ROBO1: variants seen among roughly 807,000 people sequenced by gnomAD.
ROBO1 encodes roundabout guidance receptor 1.
A neutral mutation model predicts 195.9 loss-of-function variants in ROBO1; 149 were observed. The observed-to-expected ratio is 0.76, with a 90% CI of 0.67 to 0.87. ROBO1 has a LOEUF of 0.87. Ranked by LOEUF, ROBO1 falls within the 40% of genes least tolerant of loss-of-function variation. ROBO1 has a pLI of 0.00. For missense variants in ROBO1, 1,933 were observed against 2,068.3 expected, an observed-to-expected ratio of 0.93 and a Z score of 1.27; for synonymous variants, 816 against 733.2, an observed-to-expected ratio of 1.11 and a Z score of -1.82.
chr3:78,721,000 T>C (rs976802358), intron 5 of ROBO1, among the ~76,000 whole-genome samples: 3 of 150,052 alleles, frequency 2.0e-5, no homozygotes, highest in Admixed American at 6.6e-5. Context: ...CTAACGTAAA[T>C]GATGAGTTGA....
intron 2 of ROBO1, among the ~76,000 whole-genome samples, chr3:79,291,285 T>A (rs950121540): frequency 6.6e-6 from 1 of 152,202 alleles, no homozygotes; most frequent in Non-Finnish European, 1.5e-5. Context: ...GGCCCCTAAC[T>A]GGCACCTAAT....
intron 4 of ROBO1, among the ~76,000 whole-genome samples, chr3:78,903,647 G>A (rs920409724): frequency 2.6e-5 from 4 of 151,630 alleles, no homozygotes; most frequent in African/African-American, 7.3e-5. Flanking sequence ...GAAGAAATTC[G>A]ACTTTATGTA....
At chr3:79,027,273 A>G (rs1370016609) in intron 3 of ROBO1, among the ~76,000 whole-genome samples, 1 of 152,114 alleles carries the variant, frequency 6.6e-6, no homozygotes, top group Non-Finnish European at 1.5e-5. Flanking sequence ...AAATAAAAGT[A>G]GTTCTAAATA....
chr3:78,709,709 G>C (rs976466998), intron 8 of ROBO1, among the ~76,000 whole-genome samples: 2 of 152,112 alleles, frequency 1.3e-5, no homozygotes, highest in Non-Finnish European at 2.9e-5. Flanking sequence ...AGATAAAGAA[G>C]TTTTTGAGGA....
intron 2 of ROBO1, among the ~76,000 whole-genome samples, chr3:79,402,332 T>G (rs2037398063): frequency 6.6e-6 from 1 of 151,964 alleles, no homozygotes; most frequent in Non-Finnish European, 1.5e-5. Context: ...ATATCATCAT[T>G]CTTTCATTGC....
intron 2 of ROBO1, among the ~76,000 whole-genome samples, chr3:79,332,427 C>T (rs1576986995): frequency 6.6e-6 from 1 of 152,176 alleles, no homozygotes; most frequent in East Asian, 1.9e-4. Context: ...ACATTCATTG[C>T]TTGCCATCAA....
chr3:78,985,965 A>C (rs1204867259), intron 3 of ROBO1, among the ~76,000 whole-genome samples: 1 of 152,188 alleles, frequency 6.6e-6, no homozygotes, highest in Non-Finnish European at 1.5e-5. Context: ...AGCAGAGCCC[A>C]AGACAAAGCC....
chr3:78,858,564 C>CA (rs554355096), intron 4 of ROBO1, among the ~76,000 whole-genome samples: 1,334 of 96,360 alleles, frequency 0.014, 17 homozygotes, highest in Middle Eastern at 0.028. Flanking sequence ...CCCTGTCTAC[C>CA]AAAAAAAAAA....
chr3:79,185,235 T>C (rs1246958536), intron 2 of ROBO1, among the ~76,000 whole-genome samples: 1 of 152,184 alleles, frequency 6.6e-6, no homozygotes, highest in Non-Finnish European at 1.5e-5. Context: ...CTCTGGTCTC[T>C]ATCTCTCCAG....
intron 4 of ROBO1, among the ~76,000 whole-genome samples, chr3:78,769,617 G>GTTTTTTTTTTTTTTTTTTTTTT (rs1559836189): frequency 1.4e-5 from 1 of 72,924 alleles, no homozygotes; most frequent in Non-Finnish European, 2.8e-5. Flanking sequence ...AGTGTACTTT[G>GTTTTTTTTTTTTTTTTTTTTTT]GTTTTTTTTT....
At chr3:79,302,685 C>T (rs2033019770) in intron 2 of ROBO1, among the ~76,000 whole-genome samples, 1 of 151,994 alleles carries the variant, frequency 6.6e-6, no homozygotes, top group African/African-American at 2.4e-5. Context: ...AAGAGTTTTT[C>T]CGTGTTCTTT....
chr3:79,666,644 G>T (rs1472174373), intron 1 of ROBO1, among the ~76,000 whole-genome samples: 1 of 151,786 alleles, frequency 6.6e-6, no homozygotes, highest in African/African-American at 2.4e-5. Context: ...CTTGCTTGCT[G>T]CCATGTAAGA....
chr3:79,119,790 A>C (rs1415271340), intron 3 of ROBO1, among the ~76,000 whole-genome samples: 1 of 149,880 alleles, frequency 6.7e-6, no homozygotes, highest in African/African-American at 2.5e-5. Context: ...TTTCTTGTTG[A>C]GAAAGATTCT....
chr3:78,783,878 G>C (rs941719950), intron 4 of ROBO1, among the ~76,000 whole-genome samples: 2 of 152,128 alleles, frequency 1.3e-5, no homozygotes, highest in African/African-American at 4.8e-5. Context: ...CCAAGGAACA[G>C]GATGTTATTA....
At chr3:79,322,149 G>C (rs984178293) in intron 2 of ROBO1, among the ~76,000 whole-genome samples, 2 of 152,126 alleles carry the variant, frequency 1.3e-5, no homozygotes, top group Admixed American at 1.3e-4. Context: ...CTATCAATCA[G>C]ACTTAACCTA....
At chr3:78,845,104 G>T (rs2033563930) in intron 4 of ROBO1, among the ~76,000 whole-genome samples, 2 of 152,024 alleles carry the variant, frequency 1.3e-5, no homozygotes, top group South Asian at 2.1e-4. Context: ...GAGTGTGCAT[G>T]TATCCTATCC....
At chr3:78,716,438 T>A (rs1038607707) in intron 7 of ROBO1, among the ~76,000 whole-genome samples, 1 of 152,106 alleles carries the variant, frequency 6.6e-6, no homozygotes, top group Non-Finnish European at 1.5e-5. Flanking sequence ...TCAGATCTCA[T>A]GAGAACTCAC....
intron 5 of ROBO1, among the ~76,000 whole-genome samples, chr3:78,743,164 C>G (rs576523932): frequency 5.3e-5 from 8 of 152,152 alleles, no homozygotes; most frequent in African/African-American, 1.7e-4. Context: ...TGGAACATGA[C>G]ATTAAAAAGA....
intron 3 of ROBO1, among the ~76,000 whole-genome samples, chr3:79,027,271 G>A (rs2078219386): frequency 6.6e-6 from 1 of 152,014 alleles, no homozygotes; most frequent in Admixed American, 6.5e-5. Context: ...GTAAATAAAA[G>A]TAGTTCTAAA....
Sources: gnomAD v4.1 joint callset for allele counts (sites outside exome capture counted in the v4.1 genomes callset) on GRCh38, gnomAD v4.1.1 for gene constraint, MANE v1.5 for transcripts, NCBI Gene and HGNC (gene_info 2026-07-23, HGNC 2026-07-21) for gene names.